The following PRR16 variants were observed in gnomAD, a reference collection of about 807,000 sequenced individuals.
The protein encoded by PRR16 is protein Largen.
In PRR16, 6 loss-of-function variants were observed where a neutral mutation model predicts 18.2. The observed-to-expected ratio is 0.33, with a 90% CI of 0.18 to 0.65. The LOEUF is 0.65. Ranked by LOEUF, PRR16 falls within the 30% of genes least tolerant of loss-of-function variation. The pLI is 0.74. For synonymous variants in PRR16, 151 were observed against 147.8 expected (o/e 1.02, Z -0.16); for missense variants, 412 against 376.6 (o/e 1.09, Z -0.78).
chr5:120,580,614 C>CACACACCACACA (rs1753240791), intron 1 of PRR16, among the ~76,000 whole-genome samples: 1 of 151,846 alleles, frequency 6.6e-6, no homozygotes, highest in Non-Finnish European at 1.5e-5. Context: ...GCCACCACAC[C>CACACACCACACA]CGGCTAATTT....
chr5:120,586,358 A>G (rs1314489963), intron 1 of PRR16, among the ~76,000 whole-genome samples: 1 of 152,092 alleles, frequency 6.6e-6, no homozygotes, highest in East Asian at 1.9e-4. Context: ...GTAATAATAA[A>G]TTATCTTCTA....
chr5:120,642,075 C>T (rs1281045341), intron 1 of PRR16, among the ~76,000 whole-genome samples: 2 of 152,088 alleles, frequency 1.3e-5, no homozygotes. Context: ...GTCCTACCTC[C>T]CACACTTCTC....
intron 1 of PRR16, among the ~76,000 whole-genome samples, chr5:120,513,861 C>G (rs1438513380): frequency 6.6e-6 from 1 of 151,644 alleles, no homozygotes; most frequent in East Asian, 1.9e-4. Flanking sequence ...TGGGTTCAAG[C>G]AATTCTCCTG....
At chr5:120,728,186 T>G in the PRR16 span, among the ~76,000 whole-genome samples, 1 of 152,030 alleles carries the variant, frequency 6.6e-6, no homozygotes, top group Non-Finnish European at 1.5e-5. Flanking sequence ...TAATTTGTTT[T>G]TATAATTTAG....
chr5:120,470,351 C>A (rs577358500), intron 1 of PRR16, among the ~76,000 whole-genome samples: 1 of 152,086 alleles, frequency 6.6e-6, no homozygotes, highest in East Asian at 1.9e-4. Context: ...TTGCAAAAAT[C>A]TAAAGAAATA....
chr5:120,758,144 C>T, the PRR16 span, among the ~76,000 whole-genome samples: 1 of 151,840 alleles, frequency 6.6e-6, no homozygotes, highest in Admixed American at 6.6e-5. Context: ...GCATTTAGGT[C>T]AGTAACTTAT....
At position 120,492,200 on chromosome 5, in the gene PRR16, T is replaced by C. The variant is rs375258804; in HGVS notation, c.159+27555T>C. Among the ~76,000 whole-genome samples, 114 of 148,464 alleles carry C rather than the reference T, an allele frequency of 7.7e-4. 1 individual carries two copies. Among genetic ancestry groups the C allele is most frequent in the African/African-American group, 2.7e-3 (110 of 40,284 alleles). ...CCTAGGCTCAAGTGATCCACCAACCTCAGCCTTCTAAGTAGCTGAGACTGC... is the reference window on the plus strand; with the variant it reads ...CCTAGGCTCAAGTGATCCACCAACCCCAGCCTTCTAAGTAGCTGAGACTGC... On this transcript the variant is annotated intron_variant, in intron 1 of 1. Transcript: ENST00000407149.
chr5:120,719,835 A>G, the PRR16 span, among the ~76,000 whole-genome samples: 1 of 152,078 alleles, frequency 6.6e-6, no homozygotes, highest in African/African-American at 2.4e-5. Context: ...TTGATCTTAC[A>G]TATGAATTTA....
chr5:120,680,838 C>T (rs1485412295), intron 1 of PRR16, among the ~76,000 whole-genome samples: 1 of 152,202 alleles, frequency 6.6e-6, no homozygotes, highest in East Asian at 1.9e-4. Context: ...GTGTTCACTT[C>T]ACGTGAATTG....
intron 1 of PRR16, among the ~76,000 whole-genome samples, chr5:120,477,276 G>A (rs1199918340): frequency 6.6e-6 from 1 of 152,004 alleles, no homozygotes; most frequent in Admixed American, 6.6e-5. Context: ...ACTTGGCTAA[G>A]AGACATCTTA....
chr5:120,777,366 T>C, the PRR16 span, among the ~76,000 whole-genome samples: 1 of 152,122 alleles, frequency 6.6e-6, no homozygotes, highest in South Asian at 2.1e-4. Flanking sequence ...TTAAAATTGC[T>C]GTTGTGTTTT....
the PRR16 span, among the ~76,000 whole-genome samples, chr5:120,780,191 C>T: frequency 6.6e-6 from 1 of 152,190 alleles, no homozygotes; most frequent in South Asian, 2.1e-4. Flanking sequence ...AAAAACATCA[C>T]ATCCTACCAG....
At chr5:120,590,510 T>TGTTGAAG (rs61244947) in intron 1 of PRR16, among the ~76,000 whole-genome samples, 134,384 of 151,512 alleles carry the variant, frequency 0.89, 59,924 homozygotes, top group African/African-American at 0.96. Flanking sequence ...CCTGATTCAG[T>TGTTGAAG]GTTGAAGTTT....
At chr5:120,765,835 T>TGTTTTATA in the PRR16 span, among the ~76,000 whole-genome samples, 1 of 152,062 alleles carries the variant, frequency 6.6e-6, no homozygotes, top group African/African-American at 2.4e-5. Context: ...TAGTTTTGTC[T>TGTTTTATA]GTTTTATACA....
At chr5:120,752,050 C>A in the PRR16 span, among the ~76,000 whole-genome samples, 1 of 151,990 alleles carries the variant, frequency 6.6e-6, no homozygotes, top group Non-Finnish European at 1.5e-5. Context: ...TCTTGAAACA[C>A]CTCTAAATAA....
At chr5:120,614,263 A>G (rs930067538) in intron 1 of PRR16, among the ~76,000 whole-genome samples, 1 of 152,204 alleles carries the variant, frequency 6.6e-6, no homozygotes, top group Non-Finnish European at 1.5e-5. Context: ...TTATGTTCTC[A>G]TACTGTGGGC....
At chr5:120,756,550 T>C in the PRR16 span, among the ~76,000 whole-genome samples, 2 of 150,954 alleles carry the variant, frequency 1.3e-5, no homozygotes, top group African/African-American at 5.0e-5. Flanking sequence ...TAATTAGTAA[T>C]GTGGAGCATT....
At chr5:120,629,848 ATATTAACCCAT>A (rs1754996612) in intron 1 of PRR16, among the ~76,000 whole-genome samples, 1 of 151,928 alleles carries the variant, frequency 6.6e-6, no homozygotes, top group South Asian at 2.1e-4. Context: ...CATTTTAAAA[ATATTAACCCAT>A]TATTTTCTGG....
chr5:120,787,878 A>G, the PRR16 span, among the ~76,000 whole-genome samples: 4 of 152,042 alleles, frequency 2.6e-5, no homozygotes, highest in East Asian at 5.8e-4. Context: ...TACATAGTAT[A>G]AAAGGACACC....
Sources: allele counts gnomAD v4.1 joint callset (sites outside exome capture counted in the v4.1 genomes callset), GRCh38; gene constraint gnomAD v4.1.1; transcripts MANE v1.5; gene names NCBI Gene and HGNC (gene_info 2026-07-23, HGNC 2026-07-21).